The following LIFR variants were observed in gnomAD, a reference collection of about 807,000 sequenced individuals.
LIFR encodes leukemia inhibitory factor receptor.
A neutral mutation model predicts 122.2 loss-of-function variants in LIFR; 84 were observed. The ratio of observed to expected loss-of-function variants is 0.69; its 90% CI spans 0.58 to 0.82. LIFR has a LOEUF of 0.82. LIFR is among the 40% of genes least tolerant of loss of function. The pLI, the probability that LIFR is intolerant of heterozygous loss-of-function variation, is 0.00. For synonymous variants in LIFR, 422 were observed against 434.7 expected (o/e 0.97, Z 0.36); for missense variants, 1,294 against 1,311.6 (o/e 0.99, Z 0.21).
chr5:38,510,781 C>G, intron 6 of LIFR, 63 bp from the exon 7 acceptor site: 1 of 1,369,268 alleles, frequency 7.3e-7, no homozygotes, highest in Non-Finnish European at 1.0e-6. Context: ...AACTTTTCTG[C>G]ATTTTAAGAC....
chr5:38,590,424 G>A (rs1212652560), intron 1 of LIFR, among the ~76,000 whole-genome samples: 1 of 152,138 alleles, frequency 6.6e-6, no homozygotes, highest in African/African-American at 2.4e-5. Flanking sequence ...CATCATTTGG[G>A]TATCTCCTTT....
rs10637374 is a variant in LIFR at position 38,528,849 on chromosome 5, GACACAC to G, written c.143-15_143-10del. ...CAAATCATGAGGAGCCCCTGGAGGA[GACACAC>G]ACACACACACACACACACACACAGA... On this transcript the variant is annotated splice_polypyrimidine_tract_variant and intron_variant, in intron 2 of 19. Coordinates refer to ENST00000453190, the MANE Select transcript of LIFR (RefSeq NM_001127671.2). The G allele has an allele frequency of 1.3e-3, 1,224 of 917,968 alleles. No individual in the cohort carries two copies. The highest frequency in any genetic ancestry group is 3.3e-3 in the Middle Eastern group (13 of 3,908). 56.9% of individuals were successfully genotyped at this position (917,968 alleles called of 1,614,324 possible).
In LIFR at chr5:38,485,598, A is replaced by G. The variant is rs1297645093; in HGVS notation, c.2497+221T>C. 1.2e-5 allele frequency: 7 copies of G among 590,848 alleles called. No homozygotes were observed. In the East Asian group the frequency reaches 2.0e-4, roughly 17 times the overall value. The allele number at this position is 590,848 out of a possible 1,614,324, so 36.6% of individuals were successfully genotyped here. A position where few individuals can be genotyped will look rare whatever the true frequency, so the allele number is the denominator to read the frequency against. On this transcript the variant is annotated intron_variant, in intron 17 of 19. Transcript: ENST00000453190. Reference sequence around the variant, plus strand: ...ACTTCAGATGTATCCCAAATTCATTAATTTCTTAGGTACTCATTTGGAAAT... The same window carrying G: ...ACTTCAGATGTATCCCAAATTCATTGATTTCTTAGGTACTCATTTGGAAAT...
chr5:38,607,507 A>G (rs1238519841), intron 1 of LIFR: 1 of 139,750 alleles, frequency 7.2e-6, no homozygotes, highest in Non-Finnish European at 1.6e-5. Context: ...ACTCTCTCTC[A>G]TATGCACTCT....
chr5:38,564,815 C>A (rs1748964279), intron 1 of LIFR, among the ~76,000 whole-genome samples: 1 of 150,318 alleles, frequency 6.7e-6, no homozygotes, highest in Non-Finnish European at 1.5e-5. Flanking sequence ...CACTTGTCAC[C>A]CAGGCTGGAG....
chr5:38,534,301 A>G (rs1417188794), intron 1 of LIFR, among the ~76,000 whole-genome samples: 1 of 152,142 alleles, frequency 6.6e-6, no homozygotes, highest in African/African-American at 2.4e-5. Context: ...AGTTTGGTAG[A>G]CTCCATTGTG....
intron 14 of LIFR, chr5:38,490,600 A>ATTT: frequency 1.3e-5 from 2 of 153,530 alleles, no homozygotes; most frequent in Middle Eastern, 3.2e-3. Context: ...TCATTGCTTG[A>ATTT]TTTTTTTTTT....
upstream of LIFR, chr5:38,556,693 G>A (rs1387268809): frequency 1.4e-5 from 2 of 144,954 alleles, no homozygotes; most frequent in African/African-American, 4.9e-5. Flanking sequence ...TGGGGGCGCA[G>A]CGGGCCCGGC....
intron 5 of LIFR, among the ~76,000 whole-genome samples, chr5:38,513,777 C>A (rs1401700343): frequency 6.6e-6 from 1 of 152,128 alleles, no homozygotes; most frequent in East Asian, 1.9e-4. Flanking sequence ...ATCAACAAGT[C>A]CTATCCAGAG....
intron 1 of LIFR, among the ~76,000 whole-genome samples, chr5:38,562,550 C>A (rs1748876419): frequency 6.6e-6 from 1 of 152,194 alleles, no homozygotes; most frequent in Non-Finnish European, 1.5e-5. Context: ...GCAATTTACT[C>A]CCTTTTGAGT....
intron 1 of LIFR, among the ~76,000 whole-genome samples, chr5:38,532,029 G>T (rs901781746): frequency 2.6e-5 from 4 of 152,166 alleles, no homozygotes; most frequent in Admixed American, 2.0e-4. Context: ...GCCAGTTGCT[G>T]AATTTATAGA....
intron 2 of LIFR, among the ~76,000 whole-genome samples, chr5:38,605,984 T>C (rs1750320596): frequency 6.6e-6 from 1 of 152,178 alleles, no homozygotes. Flanking sequence ...GTCATGGGTA[T>C]GTGTCCTTAA....
upstream of LIFR, among the ~76,000 whole-genome samples, chr5:38,596,912 G>GA (rs10607386): frequency 2.8e-3 from 417 of 148,008 alleles, 2 homozygotes; most frequent in Non-Finnish European, 4.0e-3. Flanking sequence ...TGGCATGCAA[G>GA]AAAAAAAAAA....
chr5:38,486,419 C>A (rs909799743), intron 16 of LIFR, among the ~76,000 whole-genome samples: 8 of 152,184 alleles, frequency 5.3e-5, no homozygotes, highest in Non-Finnish European at 8.8e-5. Flanking sequence ...ATAGAGATGA[C>A]TCCAAACCAC....
intron 1 of LIFR, among the ~76,000 whole-genome samples, chr5:38,592,715 T>A (rs139919576): frequency 6.6e-6 from 1 of 152,226 alleles, no homozygotes; most frequent in African/African-American, 2.4e-5. Flanking sequence ...TTTTTTCTAT[T>A]TTTTTAGAAA....
At chr5:38,541,711 G>GA (rs1188635012) in intron 1 of LIFR, among the ~76,000 whole-genome samples, 2 of 152,230 alleles carry the variant, frequency 1.3e-5, no homozygotes, top group East Asian at 3.9e-4. Flanking sequence ...TCTGTGGATG[G>GA]AAAAAAATGG....
At chr5:38,606,978 C>CA (rs948762106) in intron 1 of LIFR, among the ~76,000 whole-genome samples, 6 of 151,174 alleles carry the variant, frequency 4.0e-5, no homozygotes, top group Admixed American at 6.6e-5. Flanking sequence ...TGTTTTTAAA[C>CA]AAAAAAAAAT....
chr5:38,516,310 C>T (rs1746077459), intron 5 of LIFR, among the ~76,000 whole-genome samples: 1 of 152,080 alleles, frequency 6.6e-6, no homozygotes, highest in African/African-American at 2.4e-5. Context: ...TCGTCCCTAT[C>T]CATCTGACAA....
chr5:38,554,264 G>T (rs187810842), intron 1 of LIFR, among the ~76,000 whole-genome samples: 68 of 152,308 alleles, frequency 4.5e-4, no homozygotes, highest in African/African-American at 1.4e-3. Flanking sequence ...CCACTTCACA[G>T]CAAAGATGCC....
Sources: allele counts gnomAD v4.1 joint callset (sites outside exome capture counted in the v4.1 genomes callset), GRCh38; gene constraint gnomAD v4.1.1; transcripts MANE v1.5; gene names NCBI Gene and HGNC (gene_info 2026-07-23, HGNC 2026-07-21).